The following KIAA1328 variants were observed in gnomAD, a reference collection of about 807,000 sequenced individuals.
The protein encoded by KIAA1328 is protein hinderin.
Under a neutral mutation model 68.1 loss-of-function variants are expected in KIAA1328, and 52 were observed. That is an observed-to-expected ratio of 0.76 (90% CI 0.61 to 0.96). KIAA1328 has a LOEUF of 0.96. Ranked by LOEUF, KIAA1328 falls within the 40% of genes least tolerant of loss-of-function variation. The pLI, the probability that KIAA1328 is intolerant of heterozygous loss-of-function variation, is 0.00. For missense variants in KIAA1328, 641 were observed against 677.6 expected, an observed-to-expected ratio of 0.95 and a Z score of 0.60; for synonymous variants, 232 against 239.4, an observed-to-expected ratio of 0.97 and a Z score of 0.28.
At chr18:37,218,818 A>G (rs889562087) in intron 9 of KIAA1328, among the ~76,000 whole-genome samples, 3 of 152,190 alleles carry the variant, frequency 2.0e-5, no homozygotes, top group Middle Eastern at 3.2e-3. Context: ...ACTTCTGTCA[A>G]CTTGTCAAAG....
chr18:36,953,564 C>T (rs928087901), intron 5 of KIAA1328, among the ~76,000 whole-genome samples: 2 of 151,636 alleles, frequency 1.3e-5, no homozygotes, highest in Non-Finnish European at 2.9e-5. Flanking sequence ...CTGAGTGTCA[C>T]GGGAAATGCC....
At chr18:36,863,956 T>C (rs1050176789) in intron 4 of KIAA1328, among the ~76,000 whole-genome samples, 2 of 152,152 alleles carry the variant, frequency 1.3e-5, no homozygotes, top group African/African-American at 4.8e-5. Context: ...CATTTGCAAA[T>C]AGGGACAGTT....
chr18:37,166,653 C>T (rs1051693886), intron 8 of KIAA1328, among the ~76,000 whole-genome samples: 5 of 152,126 alleles, frequency 3.3e-5, no homozygotes, highest in African/African-American at 1.2e-4. Context: ...GGGATTGTTT[C>T]TCTGTTTTAA....
chr18:37,018,396 T>C (rs1408137957), intron 6 of KIAA1328, among the ~76,000 whole-genome samples: 3 of 152,144 alleles, frequency 2.0e-5, no homozygotes, highest in Admixed American at 2.0e-4. Context: ...GCCTTTAAGA[T>C]TTTTTTCATT....
rs569368453 is a variant in KIAA1328 at position 37,067,320 on chromosome 18, G to A, written c.1007G>A (p.Ser336Asn). 6.2e-6 allele frequency: 10 copies of A among 1,613,962 alleles called. No homozygotes were observed. In the African/African-American group the frequency reaches 1.3e-4, roughly 22 times the overall value. Reference sequence around the variant, plus strand: ...CCTAAGACACATCCAGAATCATGCAGTTATTGTCGGCTTTCTTGGGCATCT... The same window carrying A: ...CCTAAGACACATCCAGAATCATGCAATTATTGTCGGCTTTCTTGGGCATCT... ...QHPKTHPESC[S>N]YCRLSWASLV... is the part of the protein sequence containing the mutation. Residue 336 changes from serine to asparagine, a missense_variant, in exon 7 of 10, where the codon AGT (serine) becomes AAT (asparagine). Transcript: ENST00000280020.
intron 7 of KIAA1328, among the ~76,000 whole-genome samples, chr18:37,159,496 A>G (rs1408589381): frequency 6.6e-6 from 1 of 152,248 alleles, no homozygotes; most frequent in Admixed American, 6.5e-5. Context: ...ACAAACACGA[A>G]GAGGGAAGAG....
At chr18:36,992,808 A>G (rs535052658) in intron 6 of KIAA1328, among the ~76,000 whole-genome samples, 13 of 152,282 alleles carry the variant, frequency 8.5e-5, no homozygotes, top group African/African-American at 2.6e-4. Flanking sequence ...GGTACTTAAA[A>G]TTTAATAAAA....
intron 4 of KIAA1328, among the ~76,000 whole-genome samples, chr18:36,870,366 C>T (rs996394229): frequency 2.0e-5 from 3 of 152,120 alleles, no homozygotes; most frequent in Middle Eastern, 3.4e-3. Flanking sequence ...TTTACGTTAG[C>T]TCTTGAAGAG....
At chr18:37,154,633 C>A (rs2059115142) in intron 7 of KIAA1328, among the ~76,000 whole-genome samples, 1 of 152,100 alleles carries the variant, frequency 6.6e-6, no homozygotes, top group East Asian at 1.9e-4. Context: ...TTTCTGCGTT[C>A]CTCAATTCAC....
In KIAA1328 at chr18:36,848,541, C is replaced by CTTTTTTTTTTTTTTTTTTTTT. The variant is rs59271370; in HGVS notation, c.332+4243_332+4263dup. On this transcript the variant is annotated intron_variant, in intron 4 of 9. Coordinates refer to ENST00000280020, the MANE Select transcript of KIAA1328 (RefSeq NM_020776.3). Reference sequence around the variant, plus strand: ...TTTTTTCCTTTCCAATCTATAGATGCTTTTTTTTTTTTTTTTTTTTTTTTG... The same window carrying CTTTTTTTTTTTTTTTTTTTTT: ...TTTTTTCCTTTCCAATCTATAGATGCTTTTTTTTTTTTTTTTTTTTTTTTTTTTTTTTTTTTTTTTTTTTTG... Among the ~76,000 whole-genome samples, 8 of 38,150 alleles carry CTTTTTTTTTTTTTTTTTTTTT rather than the reference C, an allele frequency of 2.1e-4. 1 individual carries two copies. Among genetic ancestry groups the CTTTTTTTTTTTTTTTTTTTTT allele is most frequent in the African/African-American group, 5.8e-4 (5 of 8,680 alleles). The allele number at this position is 38,150 out of a possible 152,430, so 25.0% of individuals were successfully genotyped here.
At chr18:36,851,555 T>A (rs1600985821) in intron 4 of KIAA1328, among the ~76,000 whole-genome samples, 1 of 152,260 alleles carries the variant, frequency 6.6e-6, no homozygotes, top group East Asian at 1.9e-4. Flanking sequence ...TTTTAGGAAT[T>A]TGTCCATTTT....
chr18:37,182,581 C>G (rs1299397406), intron 9 of KIAA1328, among the ~76,000 whole-genome samples: 3 of 152,116 alleles, frequency 2.0e-5, no homozygotes, highest in African/African-American at 7.2e-5. Context: ...CAGGGTCACT[C>G]AAGCAATCAG....
intron 6 of KIAA1328, among the ~76,000 whole-genome samples, chr18:37,004,903 G>T (rs527620873): frequency 1.3e-5 from 2 of 152,206 alleles, no homozygotes; most frequent in South Asian, 4.1e-4. Flanking sequence ...ATGTATGATG[G>T]ATTACTACTC....
intron 5 of KIAA1328, among the ~76,000 whole-genome samples, chr18:36,904,384 C>T (rs556176818): frequency 1.3e-5 from 2 of 152,064 alleles, no homozygotes; most frequent in East Asian, 1.9e-4. Context: ...ACAGTTTTGT[C>T]TTCTTATATT....
At chr18:37,197,391 G>T (rs1040166829) in intron 9 of KIAA1328, among the ~76,000 whole-genome samples, 1 of 151,972 alleles carries the variant, frequency 6.6e-6, no homozygotes, top group Non-Finnish European at 1.5e-5. Flanking sequence ...TGGGGTAGAA[G>T]CAAAAATGGT....
At chr18:36,944,972 A>G (rs935289358) in intron 5 of KIAA1328, among the ~76,000 whole-genome samples, 2 of 152,202 alleles carry the variant, frequency 1.3e-5, no homozygotes, top group Admixed American at 1.3e-4. Context: ...ATAATGAGGA[A>G]GAGGGAGAGA....
chr18:36,930,141 G>C (rs2050259894), intron 5 of KIAA1328, among the ~76,000 whole-genome samples: 1 of 152,126 alleles, frequency 6.6e-6, no homozygotes, highest in Non-Finnish European at 1.5e-5. Flanking sequence ...TCCCAGAAAT[G>C]TCTAAACTGT....
In KIAA1328 at chr18:37,225,127, T is replaced by TAGA. The variant is rs2060624147; in HGVS notation, c.*2901_*2903dup. ...CCTGCTTCCGGCACCAAGTTCATAA[T>TAGA]AGAGATCTTCTGGCCAGAGAATCAG... On this transcript the variant is annotated 3_prime_UTR_variant, in exon 10 of 10. Transcript: ENST00000280020. 4.2e-5 allele frequency: 41 copies of TAGA among 984,450 alleles called. No homozygotes were observed. The highest frequency in any genetic ancestry group is 4.8e-5 in the Non-Finnish European group (40 of 829,604). 61.0% of individuals were successfully genotyped at this position (984,450 alleles called of 1,614,324 possible). A position where few individuals can be genotyped will look rare whatever the true frequency, so the allele number is the denominator to read the frequency against.
At chr18:36,917,362 T>C (rs2049748875) in intron 5 of KIAA1328, among the ~76,000 whole-genome samples, 1 of 152,148 alleles carries the variant, frequency 6.6e-6, no homozygotes, top group South Asian at 2.1e-4. Flanking sequence ...GGACTACAGC[T>C]GTGTGCCACC....
Sources: gnomAD v4.1 joint callset for allele counts (sites outside exome capture counted in the v4.1 genomes callset) on GRCh38, gnomAD v4.1.1 for gene constraint, MANE v1.5 for transcripts, NCBI Gene and HGNC (gene_info 2026-07-23, HGNC 2026-07-21) for gene names.